MANSC1: variants seen among roughly 807,000 people sequenced by gnomAD.
MANSC1 encodes MANSC domain containing 1, also known as MANSC domain-containing protein 1.
MANSC1 carries 13 observed loss-of-function variants against 14.1 expected under a neutral mutation model. The ratio of observed to expected loss-of-function variants is 0.92; its 90% CI spans 0.60 to 1.46. The LOEUF is 1.46. Among genes scored for constraint, MANSC1 ranks in the 40% most tolerant of loss-of-function variants. The probability of loss-of-function intolerance (pLI) is 0.00; values close to 1 mark genes in which losing one functional copy is unlikely to be tolerated. For synonymous variants in MANSC1, 227 were observed against 200.7 expected (o/e 1.13, Z -1.11); for missense variants, 486 against 511.4 (o/e 0.95, Z 0.48).
In MANSC1 at chr12:12,327,920, GGAA is replaced by G. The variant is rs1362170015; in HGVS notation, c.*2104_*2106del. On this transcript the variant is annotated 3_prime_UTR_variant, in exon 4 of 4. Coordinates refer to ENST00000535902, the MANE Select transcript of MANSC1 (RefSeq NM_018050.4). ...GTGAGGAGGAAGGAAGAGGTGAGGA[GGAA>G]GGAGAAGAAAAGCCTTTTCTGTCAT... is the stretch of plus-strand genomic sequence containing the variant. The G allele has an allele frequency of 6.6e-6, 1 of 152,264 alleles. No homozygotes were observed. Among genetic ancestry groups the G allele is most frequent in the Non-Finnish European group, 1.5e-5 (1 of 68,060 alleles). 9.4% of individuals were successfully genotyped at this position (152,264 alleles called of 1,614,324 possible). A position where few individuals can be genotyped will look rare whatever the true frequency, so the allele number is the denominator to read the frequency against.
rs551494973 is a variant in MANSC1 at position 12,341,966 on chromosome 12, G to A, written c.223+1126C>T. Among the ~76,000 whole-genome samples, 15 of 151,878 alleles carry A rather than the reference G, an allele frequency of 9.9e-5. No individual in the cohort carries two copies. In the South Asian group the frequency reaches 1.0e-3, roughly 11 times the overall value. ...AAGATTGCGCCACTGCGCTCCGTCCGGCCTGGGCAACAGAGTGAGACATCA... is the reference window on the plus strand; with the variant it reads ...AAGATTGCGCCACTGCGCTCCGTCCAGCCTGGGCAACAGAGTGAGACATCA... On this transcript the variant is annotated intron_variant, in intron 2 of 3. Transcript: ENST00000535902.
chr12:12,336,254 A>C (rs889418377), intron 3 of MANSC1, among the ~76,000 whole-genome samples: 1 of 152,190 alleles, frequency 6.6e-6, no homozygotes, highest in African/African-American at 2.4e-5. Flanking sequence ...TGAGTCAACC[A>C]GCTGGGATTG....
intron 2 of MANSC1, among the ~76,000 whole-genome samples, chr12:12,341,700 A>G (rs1297803669): frequency 6.6e-6 from 1 of 152,172 alleles, no homozygotes. Context: ...ATCAAAGCTC[A>G]CTGTAGGCTG....
rs1445383468 is a variant in MANSC1, at chr12:12,329,710, C to A, written c.*317G>T. 4 of 227,032 alleles carry A rather than the reference C, an allele frequency of 1.8e-5. No homozygotes were observed. The highest frequency in any genetic ancestry group is 2.6e-5 in the Non-Finnish European group (3 of 114,588). The allele number at this position is 227,032 out of a possible 1,614,324, so 14.1% of individuals were successfully genotyped here. A position where few individuals can be genotyped will look rare whatever the true frequency, so the allele number is the denominator to read the frequency against. ...ACCAGCCTGACCAACATGGTGAAAC[C>A]CCGTCTCTACTAAAAATACAAAAAT... On this transcript the variant is annotated 3_prime_UTR_variant, in exon 4 of 4. Coordinates refer to ENST00000535902, the MANE Select transcript of MANSC1 (RefSeq NM_018050.4).
rs1490371335 is a variant in MANSC1, at chr12:12,343,304, C to T, written c.11G>A (p.Gly4Glu). ...AGTGTAAGTCAAGCTCCCTTCTCCCCCGAAGAACATTTTAAATTTCAGTTT... is the reference window on the plus strand; with the variant it reads ...AGTGTAAGTCAAGCTCCCTTCTCCCTCGAAGAACATTTTAAATTTCAGTTT... Reference protein sequence around the residue: MFFGGEGSLTYTLV... With the variant: MFFEGEGSLTYTLV... The change falls in exon 2 of 4, where the codon GGG (glycine) becomes GAG (glutamate). Residue 4 changes from glycine (G) to glutamate (E), a missense_variant. Coordinates refer to ENST00000535902, the MANE Select transcript of MANSC1 (RefSeq NM_018050.4). 6.2e-7 allele frequency: 1 copy of T among 1,613,016 alleles called. No individual in the cohort carries two copies. Among genetic ancestry groups the T allele is most frequent in the Non-Finnish European group, 8.5e-7 (1 of 1,179,104 alleles).
rs138449294 is a variant in MANSC1 at position 12,338,451 on chromosome 12, T to G, written c.333A>C (p.Ala111=). ...TTATCCTGTAACTCATAAGTCCTTT[T>G]GCTGGTTTCAATGGACAGGCTTCCT... ...PNEEACPLKP[A]KGLMSYRIIT... The change falls in exon 3 of 4, where the codon GCA becomes GCC. Residue 111 remains alanine (A), a synonymous_variant. Coordinates refer to ENST00000535902, the MANE Select transcript of MANSC1 (RefSeq NM_018050.4). The G allele has an allele frequency of 1.3e-4, 211 of 1,608,322 alleles. No individual in the cohort carries two copies. The African/African-American group carries it at 2.5e-3, about 19-fold the overall frequency.
Position 12,344,869 on chromosome 12 carries a change from C to A in MANSC1, c.-100-1455G>T, listed in dbSNP as rs571414704. Among the ~76,000 whole-genome samples the A allele has an allele frequency of 7.7e-5, 10 of 130,458 alleles. 1 individual carries two copies. In the East Asian group the frequency reaches 2.3e-3, roughly 30 times the overall value. The allele number at this position is 130,458 out of a possible 152,430, so 85.6% of individuals were successfully genotyped here. A position where few individuals can be genotyped will look rare whatever the true frequency, so the allele number is the denominator to read the frequency against. ...CCTTGCTCCTCAGCCTGCAGATGGC[C>A]TATTGTGGGGCCTTGTGATCATGTG... On this transcript the variant is annotated intron_variant, in intron 1 of 3. Transcript: ENST00000535902.
chr12:12,332,067 T>C (rs906249333), intron 3 of MANSC1, among the ~76,000 whole-genome samples: 1 of 152,106 alleles, frequency 6.6e-6, no homozygotes, highest in African/African-American at 2.4e-5. Flanking sequence ...CACACCCCAT[T>C]TATCACAGCT....
rs927888535 is a variant in MANSC1 at position 12,326,187 on chromosome 12, G to T, written c.*3840C>A. 4 of 152,192 alleles carry T rather than the reference G, an allele frequency of 2.6e-5. No individual in the cohort carries two copies. The highest frequency in any genetic ancestry group is 5.9e-5 in the Non-Finnish European group (4 of 68,060). The allele number at this position is 152,192 out of a possible 1,614,324, so 9.4% of individuals were successfully genotyped here. On this transcript the variant is annotated 3_prime_UTR_variant, in exon 4 of 4. Coordinates refer to ENST00000535902, the MANE Select transcript of MANSC1 (RefSeq NM_018050.4). The stretch of plus-strand genomic sequence containing the variant: ...CTTCCTGTACCCACTGCCACGCTCA[G>T]TGTGGCAGTGCCTTCTCCCCTCATC...
In MANSC1 at chr12:12,327,868, G is replaced by A. The variant is rs1359801813; in HGVS notation, c.*2159C>T. 1 of 152,330 alleles carries A rather than the reference G, an allele frequency of 6.6e-6. No homozygotes were observed. Among genetic ancestry groups the A allele is most frequent in the Non-Finnish European group, 1.5e-5 (1 of 68,080 alleles). The allele number at this position is 152,330 out of a possible 1,614,324, so 9.4% of individuals were successfully genotyped here. A position where few individuals can be genotyped will look rare whatever the true frequency, so the allele number is the denominator to read the frequency against. ...GTGTAAACCAGGGAAATGGGGGAGGGGTACCAGAAGAGCAGAGGGGAAGGA... is the reference window on the plus strand; with the variant it reads ...GTGTAAACCAGGGAAATGGGGGAGGAGTACCAGAAGAGCAGAGGGGAAGGA... On this transcript the variant is annotated 3_prime_UTR_variant, in exon 4 of 4. Coordinates refer to ENST00000535902, the MANE Select transcript of MANSC1 (RefSeq NM_018050.4).
At chr12:12,343,438 C>G (rs2135996670) in intron 1 of MANSC1, 24 bp from the exon 2 acceptor site, 1 of 622,818 alleles carries the variant, frequency 1.6e-6, no homozygotes, top group East Asian at 2.8e-5. Context: ...GGAAAATCAT[C>G]AATGAGTTTT....
At chr12:12,336,430 T>A (rs1862859900) in intron 3 of MANSC1, among the ~76,000 whole-genome samples, 1 of 152,230 alleles carries the variant, frequency 6.6e-6, no homozygotes. Context: ...CTCAATTCTG[T>A]GCATAGCACT....
chr12:12,344,916 C>CACATATAT (rs1862986741), intron 1 of MANSC1, among the ~76,000 whole-genome samples: 1 of 33,556 alleles, frequency 3.0e-5, no homozygotes, highest in African/African-American at 1.0e-4. Flanking sequence ...AATAAACTCC[C>CACATATAT]ATATATATAT....
intron 3 of MANSC1, among the ~76,000 whole-genome samples, chr12:12,332,922 G>A (rs1014172042): frequency 2.0e-5 from 3 of 152,120 alleles, no homozygotes; most frequent in Admixed American, 1.3e-4. Context: ...AAAACCTAAA[G>A]TACTGGTGTG....
At chr12:12,333,167 C>T (rs1242913823) in intron 3 of MANSC1, among the ~76,000 whole-genome samples, 2 of 152,078 alleles carry the variant, frequency 1.3e-5, no homozygotes, top group African/African-American at 4.8e-5. Flanking sequence ...CCACCTCAGC[C>T]TCTTGAGCAG....
Position 12,328,547 on chromosome 12 carries a change from C to T in MANSC1, c.*1480G>A, listed in dbSNP as rs11615373. ...CTGGGATTACAGGCGTGAGCCACCG[C>T]GCCTGGCCTGTGCTAGTTATTATTT... is the stretch of plus-strand genomic sequence containing the variant. On this transcript the variant is annotated 3_prime_UTR_variant, in exon 4 of 4. Transcript: ENST00000535902. 0.41 allele frequency: 62,164 copies of T among 150,950 alleles called. 14,543 individuals are homozygous for T. The highest frequency in any genetic ancestry group is 0.59 in the Middle Eastern group (176 of 296). The allele number at this position is 150,950 out of a possible 1,614,324, so 9.4% of individuals were successfully genotyped here.
At chr12:12,349,333 T>C (rs1161892176) in intron 1 of MANSC1, among the ~76,000 whole-genome samples, 2 of 152,224 alleles carry the variant, frequency 1.3e-5, no homozygotes, top group Non-Finnish European at 2.9e-5. Flanking sequence ...TGGATTCTAA[T>C]GTAGCCTCTT....
chr12:12,344,967 A>ATATATATATG (rs1862991172), intron 1 of MANSC1, among the ~76,000 whole-genome samples: 1 of 102,022 alleles, frequency 9.8e-6, no homozygotes, highest in Non-Finnish European at 2.0e-5. Context: ...ATATATATAT[A>ATATATATATG]TTACACTAGT....
chr12:12,332,624 G>T (rs111489336), intron 3 of MANSC1, among the ~76,000 whole-genome samples: 2 of 152,130 alleles, frequency 1.3e-5, no homozygotes, highest in African/African-American at 4.8e-5. Flanking sequence ...AGATTCAGGC[G>T]ATTCTCCTAC....
Sources: allele counts gnomAD v4.1 joint callset (sites outside exome capture counted in the v4.1 genomes callset), GRCh38; gene constraint gnomAD v4.1.1; transcripts MANE v1.5; gene names NCBI Gene and HGNC (gene_info 2026-07-23, HGNC 2026-07-21).